ATXN1: variants seen among roughly 807,000 people sequenced by gnomAD.
The protein encoded by ATXN1 is ataxin 1.
ATXN1 carries 8 observed loss-of-function variants against 56.4 expected under a neutral mutation model. The observed-to-expected ratio is 0.14, with a 90% CI of 0.08 to 0.26. The LOEUF (loss-of-function observed/expected upper bound fraction) is 0.26, where lower values mean the gene tolerates loss of function less well. Ranked by LOEUF, ATXN1 falls within the 10% of genes least tolerant of loss-of-function variation. The pLI is 1.00. For synonymous variants in ATXN1, 514 were observed against 494.6 expected (o/e 1.04, Z -0.52); for missense variants, 987 against 1,106.5 (o/e 0.89, Z 1.53).
intron 6 of ATXN1, among the ~76,000 whole-genome samples, chr6:16,427,143 C>T (rs756769738): frequency 2.6e-5 from 4 of 152,186 alleles, no homozygotes; most frequent in Non-Finnish European, 5.9e-5. Context: ...ACAGATGTGG[C>T]AGACATCCCT....
chr6:16,724,600 A>G (rs1045766108), intron 2 of ATXN1, among the ~76,000 whole-genome samples: 6 of 152,232 alleles, frequency 3.9e-5, no homozygotes, highest in Admixed American at 6.5e-5. Context: ...CGGGACAACC[A>G]TTCAGACCCG....
At chr6:16,612,456 A>T (rs1763125990) in intron 3 of ATXN1, among the ~76,000 whole-genome samples, 1 of 152,240 alleles carries the variant, frequency 6.6e-6, no homozygotes, top group Non-Finnish European at 1.5e-5. Flanking sequence ...ATAAAAGATA[A>T]TAAATTATGG....
rs112189481 is a variant in ATXN1, at chr6:16,658,151, G to C, written c.-614-250C>G. 3.3e-5 allele frequency among the ~76,000 whole-genome samples: 5 copies of C among 152,206 alleles called. 1 individual carries two copies. Among genetic ancestry groups the C allele is most frequent in the African/African-American group, 1.2e-4 (5 of 41,536 alleles). On this transcript the variant is annotated intron_variant, in intron 2 of 7. Transcript: ENST00000436367. ...AAGCATGACACTGGGGGAGGTAGCA[G>C]GTCTTGAAAATCAGAATGTACACCA...
At chr6:16,590,299 A>G (rs1173565341) in intron 3 of ATXN1, among the ~76,000 whole-genome samples, 1 of 152,254 alleles carries the variant, frequency 6.6e-6, no homozygotes, top group Non-Finnish European at 1.5e-5. Context: ...ACAGGAAAAT[A>G]CAGGCAAGAC....
Position 16,742,943 on chromosome 6 carries a change from CTA to C in ATXN1, c.-615+10288_-615+10289del, listed in dbSNP as rs547771581. 1.1e-3 allele frequency among the ~76,000 whole-genome samples: 175 copies of C among 152,294 alleles called. 1 individual carries two copies. The highest frequency in any genetic ancestry group is 4.0e-3 in the African/African-American group (167 of 41,544). On this transcript the variant is annotated intron_variant, in intron 2 of 7. Coordinates refer to ENST00000436367, the MANE Select transcript of ATXN1 (RefSeq NM_001128164.2). ...AGATAAAAGTATCTCCTTGGGATAA[CTA>C]TCTCACTAGAAACTTTCACCTGAGT...
chr6:16,426,620 TGA>T (rs755167771), intron 6 of ATXN1, among the ~76,000 whole-genome samples: 10 of 151,080 alleles, frequency 6.6e-5, no homozygotes, highest in Non-Finnish European at 7.4e-5. Context: ...TGTGTGTGTG[TGA>T]GAGAGAGAGA....
At chr6:16,438,018 A>G (rs529885210) in intron 6 of ATXN1, among the ~76,000 whole-genome samples, 20 of 152,246 alleles carry the variant, frequency 1.3e-4, no homozygotes, top group Non-Finnish European at 2.6e-4. Context: ...GCACTGGTCC[A>G]TGAGGCTAGG....
At chr6:16,346,045 G>A (rs79465944) in intron 6 of ATXN1, among the ~76,000 whole-genome samples, 8,074 of 152,116 alleles carry the variant, frequency 0.053, 266 homozygotes, top group East Asian at 0.13. Context: ...GTGTGAGGGC[G>A]GTTCTATATT....
intron 6 of ATXN1, among the ~76,000 whole-genome samples, chr6:16,409,871 G>C (rs944932822): frequency 2.0e-5 from 3 of 152,142 alleles, no homozygotes; most frequent in African/African-American, 7.2e-5. Context: ...TCCACCTGCT[G>C]GCCTTCTGGG....
intron 2 of ATXN1, among the ~76,000 whole-genome samples, chr6:16,713,387 T>C (rs554806091): frequency 5.1e-4 from 78 of 152,340 alleles, no homozygotes; most frequent in Non-Finnish European, 7.2e-4. Context: ...AAGGACGCCA[T>C]TGGCCTCTGG....
Position 16,326,289 on chromosome 6 carries a change from C to T in ATXN1, c.1917+105G>A, listed in dbSNP as rs1366498359. 8.5e-6 allele frequency: 13 copies of T among 1,525,382 alleles called. No homozygotes were observed. The East Asian group carries it at 2.1e-4, about 24-fold the overall frequency. The allele number at this position is 1,525,382 out of a possible 1,614,324, so 94.5% of individuals were successfully genotyped here. A position where few individuals can be genotyped will look rare whatever the true frequency, so the allele number is the denominator to read the frequency against. On this transcript the variant is annotated intron_variant, in intron 7 of 7. Coordinates refer to ENST00000436367, the MANE Select transcript of ATXN1 (RefSeq NM_001128164.2). The surrounding 1 kb of genome is among the most constrained non-coding windows in gnomAD (Gnocchi z 6.6). ...GCCGAGTCTAAGGTCTAGGTGTACC[C>T]GAGAACCCTTAATCCTGCCTCATAG...
intron 2 of ATXN1, among the ~76,000 whole-genome samples, chr6:16,750,488 C>G (rs1028681967): frequency 6.6e-6 from 1 of 152,142 alleles, no homozygotes; most frequent in South Asian, 2.1e-4. Context: ...TTTCTGCCTA[C>G]GTTGAGCCGT....
chr6:16,322,087 A>G (rs1460488751), intron 7 of ATXN1, among the ~76,000 whole-genome samples: 2 of 152,088 alleles, frequency 1.3e-5, no homozygotes, highest in Non-Finnish European at 2.9e-5. Flanking sequence ...AGCTGGGTGT[A>G]GTGGTACACA....
rs1294764486 is a variant in ATXN1 at position 16,327,496 on chromosome 6, G to C, written c.815C>G (p.Pro272Arg). 4.3e-6 allele frequency: 7 copies of C among 1,612,984 alleles called. No homozygotes were observed. Among genetic ancestry groups the C allele is most frequent in the Non-Finnish European group, 5.9e-6 (7 of 1,179,896 alleles). ...CGTGTGTGGGATCATCGTCTGGTGGGGGTGGAGGTGGACGGGGATGGCCGG... is the reference window on the plus strand; with the variant it reads ...CGTGTGTGGGATCATCGTCTGGTGGCGGTGGAGGTGGACGGGGATGGCCGG... ...SPPAIPVHLH[P>R]HQTMIPHTLT... Residue 272 changes from proline to arginine, a missense_variant, in exon 7 of 8, where the codon CCC becomes CGC. Around this residue, in one of 3 missense-constraint regions of ATXN1, gnomAD observed 723 missense variants for 791.7 expected, o/e 0.91. Coordinates refer to ENST00000436367, the MANE Select transcript of ATXN1 (RefSeq NM_001128164.2).
chr6:16,743,713 G>A (rs987312084), intron 2 of ATXN1, among the ~76,000 whole-genome samples: 16 of 152,206 alleles, frequency 1.1e-4, no homozygotes, highest in African/African-American at 3.6e-4. Context: ...AGGGCTTCGT[G>A]AGGAAGAGAC....
intron 2 of ATXN1, among the ~76,000 whole-genome samples, chr6:16,748,177 G>A (rs1035403165): frequency 3.3e-5 from 5 of 152,148 alleles, no homozygotes; most frequent in African/African-American, 1.2e-4. Flanking sequence ...GAATCTCAAG[G>A]AGATATGAGT....
intron 2 of ATXN1, among the ~76,000 whole-genome samples, chr6:16,732,889 A>C (rs1760022472): frequency 6.6e-6 from 1 of 152,228 alleles, no homozygotes; most frequent in African/African-American, 2.4e-5. Flanking sequence ...TCTAAATCCT[A>C]AACAGCTAAG....
chr6:16,318,092 T>C (rs1338684538), intron 7 of ATXN1, among the ~76,000 whole-genome samples: 2 of 152,250 alleles, frequency 1.3e-5, no homozygotes, highest in African/African-American at 4.8e-5. Context: ...TGATTGTATA[T>C]TTCAATCTTA....
intron 1 of ATXN1, among the ~76,000 whole-genome samples, chr6:16,754,933 G>A (rs1760843168): frequency 6.6e-6 from 1 of 152,178 alleles, no homozygotes; most frequent in Non-Finnish European, 1.5e-5. Flanking sequence ...CAGGGAGGGA[G>A]GATCATGATG....
Sources: allele counts gnomAD v4.1 joint callset (sites outside exome capture counted in the v4.1 genomes callset), GRCh38; gene constraint gnomAD v4.1.1; regional missense constraint gnomAD v4.1.1; non-coding constraint Gnocchi (gnomAD v3.1); transcripts MANE v1.5; gene names NCBI Gene and HGNC (gene_info 2026-07-23, HGNC 2026-07-21).